The following FKBP1B variants were observed in gnomAD, a reference collection of about 807,000 sequenced individuals.
The protein encoded by FKBP1B is peptidyl-prolyl cis-trans isomerase FKBP1B.
In FKBP1B, 4 loss-of-function variants were observed where a neutral mutation model predicts 13.5. That is an observed-to-expected ratio of 0.30 (90% CI 0.15 to 0.68). The LOEUF (loss-of-function observed/expected upper bound fraction) is 0.68, where lower values mean the gene tolerates loss of function less well. Among genes scored for constraint, FKBP1B ranks in the 30% least tolerant of loss-of-function variants. FKBP1B has a pLI of 0.76. For missense variants in FKBP1B, 93 were observed against 136.2 expected, an observed-to-expected ratio of 0.68 and a Z score of 1.58; for synonymous variants, 54 against 53.6, an observed-to-expected ratio of 1.01 and a Z score of -0.03.
intron 2 of FKBP1B, among the ~76,000 whole-genome samples, chr2:24,056,040 A>T (rs1360792934): frequency 6.6e-6 from 1 of 152,048 alleles, no homozygotes; most frequent in Non-Finnish European, 1.5e-5. Context: ...CCCAGGCTGG[A>T]GAGAAATGGC....
upstream of FKBP1B, among the ~76,000 whole-genome samples, chr2:24,045,631 G>GAGAGAGGAAGGAAGGA (rs1553318652): frequency 1.6e-3 from 166 of 106,088 alleles, no homozygotes; most frequent in Middle Eastern, 4.8e-3. Flanking sequence ...GAGAGAGAGA[G>GAGAGAGGAAGGAAGGA]AGGAAGGAAG....
the FKBP1B span, among the ~76,000 whole-genome samples, chr2:24,034,962 G>A: frequency 6.6e-6 from 1 of 151,464 alleles, no homozygotes; most frequent in Non-Finnish European, 1.5e-5. Context: ...ATTATTGTTT[G>A]CAAGTAAAAT....
At chr2:24,038,887 T>C in the FKBP1B span, 1 of 1,614,232 alleles carries the variant, frequency 6.2e-7, no homozygotes, top group Middle Eastern at 1.6e-4. Context: ...GACGTGGCTG[T>C]CCACATCAAA....
At chr2:24,042,574 T>C in the FKBP1B span, among the ~76,000 whole-genome samples, 1 of 142,354 alleles carries the variant, frequency 7.0e-6, no homozygotes, top group East Asian at 2.0e-4. Context: ...CTGGCTGTGG[T>C]GGCGCATGCC....
chr2:24,049,750 G>A lies in FKBP1B; in HGVS notation c.-100G>A, dbSNP rs973200376. ...CACCTCCTCCGGCTCTGCAGTGGCG[G>A]CGAGGAGGCGAGCCGGAGCGACGGC... On this transcript the variant is annotated 5_prime_UTR_variant, in exon 1 of 4. Transcript: ENST00000380986. The A allele has an allele frequency of 2.5e-5, 24 of 977,690 alleles. No homozygotes were observed. The highest frequency in any genetic ancestry group is 8.4e-5 in the African/African-American group (5 of 59,226). The allele number at this position is 977,690 out of a possible 1,614,324, so 60.6% of individuals were successfully genotyped here.
chr2:24,038,226 G>A, the FKBP1B span: 6 of 1,613,978 alleles, frequency 3.7e-6, no homozygotes, highest in African/African-American at 8.0e-5. Context: ...TCAAGCTAAT[G>A]GCATACTGAT....
At chr2:24,039,415 G>A in the FKBP1B span, 5 of 1,614,260 alleles carry the variant, frequency 3.1e-6, no homozygotes, top group Non-Finnish European at 4.2e-6. Context: ...ATCGGTCCAG[G>A]CAAGGCCATG....
the FKBP1B span, chr2:24,037,651 T>C: frequency 2.5e-6 from 4 of 1,583,042 alleles, no homozygotes; most frequent in South Asian, 1.1e-5. Flanking sequence ...TTATGTATAG[T>C]GGTAGTTCCT....
At chr2:24,052,950 G>A (rs1318052667) in intron 1 of FKBP1B, among the ~76,000 whole-genome samples, 3 of 152,004 alleles carry the variant, frequency 2.0e-5, no homozygotes, top group Admixed American at 6.6e-5. Flanking sequence ...TCCAGCCTGG[G>A]TGACACACTG....
chr2:24,054,888 C>T (rs1465713686), intron 2 of FKBP1B, among the ~76,000 whole-genome samples: 1 of 152,192 alleles, frequency 6.6e-6, no homozygotes, highest in Non-Finnish European at 1.5e-5. Flanking sequence ...ACCACAACAT[C>T]CTTTTGCAAA....
At chr2:24,060,404 C>T (rs2150970754) in intron 2 of FKBP1B, among the ~76,000 whole-genome samples, 2 of 152,026 alleles carry the variant, frequency 1.3e-5, no homozygotes, top group African/African-American at 4.8e-5. Context: ...ATACAAAAAT[C>T]AGCTGAGTGT....
chr2:24,045,636 AG>A (rs1663596888), upstream of FKBP1B, among the ~76,000 whole-genome samples: 2 of 69,680 alleles, frequency 2.9e-5, no homozygotes, highest in Non-Finnish European at 7.2e-5. Flanking sequence ...AGAGAGAGGA[AG>A]GAAGGAAGGA....
intron 2 of FKBP1B, among the ~76,000 whole-genome samples, chr2:24,060,450 G>A (rs976813547): frequency 6.6e-6 from 1 of 152,192 alleles, no homozygotes; most frequent in African/African-American, 2.4e-5. Flanking sequence ...TACCTGGGAG[G>A]CTGAGGCAGA....
intron 2 of FKBP1B, among the ~76,000 whole-genome samples, chr2:24,059,905 A>G (rs1397944963): frequency 1.3e-5 from 2 of 150,302 alleles, no homozygotes; most frequent in African/African-American, 5.0e-5. Flanking sequence ...AAAAAAAAAA[A>G]AAAAAAAAAA....
upstream of FKBP1B, among the ~76,000 whole-genome samples, chr2:24,046,862 C>T (rs1170797297): frequency 6.6e-6 from 1 of 152,156 alleles, no homozygotes; most frequent in Non-Finnish European, 1.5e-5. Context: ...TCACGGTTTT[C>T]ATCTAACATT....
intron 2 of FKBP1B, among the ~76,000 whole-genome samples, chr2:24,057,530 C>T (rs1029981393): frequency 3.3e-5 from 5 of 152,152 alleles, no homozygotes; most frequent in African/African-American, 7.2e-5. Context: ...TGCGCCACCA[C>T]GCCTGGACAA....
At chr2:24,045,645 G>A (rs547644188), upstream of FKBP1B, among the ~76,000 whole-genome samples, 15 of 141,610 alleles carry the variant, frequency 1.1e-4, 1 homozygote, top group East Asian at 3.2e-3. Context: ...AAGGAAGGAA[G>A]GAAGGAAGGA....
intron 2 of FKBP1B, 26 bp downstream of exon 2, chr2:24,053,975 C>T: frequency 6.2e-7 from 1 of 1,608,184 alleles, no homozygotes; most frequent in Middle Eastern, 1.7e-4. Flanking sequence ...TCAGCCCCCA[C>T]CCAGTCCTTC....
At chr2:24,055,291 G>A (rs979304712) in intron 2 of FKBP1B, among the ~76,000 whole-genome samples, 4 of 151,108 alleles carry the variant, frequency 2.6e-5, no homozygotes, top group African/African-American at 9.7e-5. Flanking sequence ...GCTCATTGCA[G>A]CCTCGACCTC....
Sources: allele counts gnomAD v4.1 joint callset (sites outside exome capture counted in the v4.1 genomes callset), GRCh38; gene constraint gnomAD v4.1.1; transcripts MANE v1.5; gene names NCBI Gene and HGNC (gene_info 2026-07-23, HGNC 2026-07-21).